Variants in SLC4A8 observed in about 807,000 individuals in gnomAD.
SLC4A8 encodes the protein electroneutral sodium bicarbonate exchanger 1.
In SLC4A8, 40 loss-of-function variants were observed where a neutral mutation model predicts 125.0. The ratio of observed to expected loss-of-function variants is 0.32; its 90% confidence interval spans 0.25 to 0.42. The LOEUF (loss-of-function observed/expected upper bound fraction) is 0.42. Among genes scored for constraint, SLC4A8 ranks in the 10% least tolerant of loss-of-function variants. The pLI is 1.00. For missense variants in SLC4A8, 863 were observed against 1,355.1 expected, an observed-to-expected ratio of 0.64 and a Z score of 5.70; for synonymous variants, 456 against 476.0, an observed-to-expected ratio of 0.96 and a Z score of 0.55.
At chr12:51,441,135 C>G in intron 2 of SLC4A8, 1 of 1,000,400 alleles carries the variant, frequency 1.0e-6, no homozygotes, top group Non-Finnish European at 1.2e-6. Flanking sequence ...CAAATAAATA[C>G]AAAACTTAAA....
chr12:51,424,054 C>CAAAAAAAAAAAAAAAAAAAAAA (rs1334821004), upstream of SLC4A8, among the ~76,000 whole-genome samples: 7 of 77,428 alleles, frequency 9.0e-5, no homozygotes, highest in Admixed American at 1.6e-4. Context: ...AAAAAAAAAA[C>CAAAAAAAAAAAAAAAAAAAAAA]AAAAAAAACA....
upstream of SLC4A8, among the ~76,000 whole-genome samples, chr12:51,424,116 G>A (rs547912566): frequency 2.6e-4 from 38 of 146,882 alleles, 1 homozygote; most frequent in South Asian, 6.5e-4. Flanking sequence ...TTCTTGAGGA[G>A]AGAGGGTTGC....
chr12:51,447,370 G>T (rs1949807372), intron 2 of SLC4A8, among the ~76,000 whole-genome samples: 1 of 152,072 alleles, frequency 6.6e-6, no homozygotes, highest in Non-Finnish European at 1.5e-5. Flanking sequence ...GGGATTACAG[G>T]TTTGAGCCAC....
chr12:51,400,403 A>G (rs572547807), intron 1 of SLC4A8, among the ~76,000 whole-genome samples: 3 of 152,032 alleles, frequency 2.0e-5, no homozygotes, highest in South Asian at 2.1e-4. Flanking sequence ...TACAATTGTA[A>G]TGTGTATAGA....
chr12:51,400,773 TATATACATACATAC>T (rs1209348112), intron 1 of SLC4A8, among the ~76,000 whole-genome samples: 50 of 4,486 alleles, frequency 0.011, no homozygotes, highest in Middle Eastern at 0.083. Flanking sequence ...TATATATATA[TATATACATACATAC>T]ACACACACAC....
chr12:51,508,211 T>C lies in SLC4A8; in HGVS notation c.*773T>C, dbSNP rs2292221. On this transcript the variant is annotated 3_prime_UTR_variant, in exon 25 of 25. Transcript: ENST00000453097. Reference sequence around the variant, plus strand: ...ATCAACAGTAAGTGAGGATGAGCAGTGTCTCTTGGTTTTCATTGAGGATAG... The same window carrying C: ...ATCAACAGTAAGTGAGGATGAGCAGCGTCTCTTGGTTTTCATTGAGGATAG... 141,153 of 152,300 alleles carry C rather than the reference T, an allele frequency of 0.93. 65,479 individuals are homozygous for C. Among genetic ancestry groups the C allele is most frequent in the Non-Finnish European group, 0.95 (64,360 of 68,042 alleles). The allele number at this position is 152,300 out of a possible 1,614,324, so 9.4% of individuals were successfully genotyped here.
intron 10 of SLC4A8, chr12:51,462,760 G>A (rs1950373012): frequency 6.0e-6 from 1 of 167,946 alleles, no homozygotes; most frequent in Admixed American, 6.1e-5. Context: ...GGGCGTGGTG[G>A]TGGGTGCCTA....
chr12:51,423,487 C>T (rs537810693), upstream of SLC4A8, among the ~76,000 whole-genome samples: 6 of 152,114 alleles, frequency 3.9e-5, no homozygotes, highest in East Asian at 1.9e-4. Context: ...AACACTAAAA[C>T]GCAGAGACTA....
intron 10 of SLC4A8, 26 bp from the exon 11 acceptor site, chr12:51,463,588 C>T: frequency 6.5e-7 from 1 of 1,541,362 alleles, no homozygotes; most frequent in Non-Finnish European, 9.0e-7. Context: ...GTTACCTTTA[C>T]TAATTTTGTG....
In SLC4A8 at chr12:51,497,138, C is replaced by T. The variant is rs576678252; in HGVS notation, c.3081+14C>T. The T allele has an allele frequency of 2.5e-6, 4 of 1,602,996 alleles. No individual in the cohort carries two copies. The highest frequency in any genetic ancestry group is 3.3e-4 in the Middle Eastern group (2 of 5,986). ...AAGGAGGAAGAGGTCATAGTCCTTG[C>T]ACCAACTGTATACCTGGGGGCCTCA... is the stretch of plus-strand genomic sequence containing the variant. On this transcript the variant is annotated intron_variant, in intron 22 of 24. Coordinates refer to ENST00000453097, the MANE Select transcript of SLC4A8 (RefSeq NM_001039960.3).
At chr12:51,493,384 TTG>T (rs747205789) in intron 19 of SLC4A8, among the ~76,000 whole-genome samples, 477 of 148,956 alleles carry the variant, frequency 3.2e-3, no homozygotes, top group Non-Finnish European at 3.8e-3. Flanking sequence ...AGGGGTGCGT[TTG>T]TGTGTGTGTG....
chr12:51,430,461 C>T (rs1949151770), intron 1 of SLC4A8, among the ~76,000 whole-genome samples: 1 of 152,096 alleles, frequency 6.6e-6, no homozygotes, highest in Non-Finnish European at 1.5e-5. Context: ...AGCAGTTTCT[C>T]CTCTCACTAC....
chr12:51,471,579 A>C (rs1950699906), intron 14 of SLC4A8, 47 bp downstream of exon 14: 1 of 1,587,622 alleles, frequency 6.3e-7, no homozygotes, highest in African/African-American at 1.3e-5. Context: ...AAAGGGCCTG[A>C]GTTTAATTGC....
chr12:51,448,013 C>G (rs1949837742), intron 2 of SLC4A8, among the ~76,000 whole-genome samples: 1 of 152,146 alleles, frequency 6.6e-6, no homozygotes, highest in African/African-American at 2.4e-5. Context: ...GCCACCACGT[C>G]CGGCTGGGAT....
intron 1 of SLC4A8, among the ~76,000 whole-genome samples, chr12:51,401,628 C>T (rs969418655): frequency 2.0e-5 from 3 of 152,170 alleles, no homozygotes; most frequent in African/African-American, 7.2e-5. Context: ...GCTTGTGTCT[C>T]TGCCCGCTCG....
intron 16 of SLC4A8, among the ~76,000 whole-genome samples, chr12:51,483,456 TCTTTTTTTCTTTTC>T (rs1951080974): frequency 6.6e-6 from 1 of 151,214 alleles, no homozygotes; most frequent in Non-Finnish European, 1.5e-5. Flanking sequence ...ATTTTCTTTT[TCTTTTTTTCTTTTC>T]TCTTTTTTTT....
At chr12:51,505,191 CTCTCTTGGCA>C (rs1389257449) in intron 23 of SLC4A8, among the ~76,000 whole-genome samples, 6 of 152,186 alleles carry the variant, frequency 3.9e-5, no homozygotes, top group Non-Finnish European at 8.8e-5. Flanking sequence ...ATGCTGCCTC[CTCTCTTGGCA>C]TTTTAGAAGG....
intron 1 of SLC4A8, among the ~76,000 whole-genome samples, chr12:51,432,396 G>A (rs1231566398): frequency 7.7e-6 from 1 of 129,456 alleles, no homozygotes; most frequent in Non-Finnish European, 1.6e-5. Flanking sequence ...GGGCGACAGA[G>A]CGAGACTCCG....
intron 1 of SLC4A8, among the ~76,000 whole-genome samples, chr12:51,398,646 G>C (rs188640539): frequency 1.4e-4 from 21 of 152,334 alleles, no homozygotes; most frequent in Non-Finnish European, 2.6e-4. Context: ...TGCCCAAAGA[G>C]AGGTAATAAA....
Sources: gnomAD v4.1 joint callset for allele counts (sites outside exome capture counted in the v4.1 genomes callset) on GRCh38, gnomAD v4.1.1 for gene constraint, MANE v1.5 for transcripts, NCBI Gene and HGNC (gene_info 2026-07-23, HGNC 2026-07-21) for gene names.